The following CHCHD6 variants were observed in gnomAD, a reference collection of about 807,000 sequenced individuals.
CHCHD6 encodes the protein coiled-coil-helix-coiled-coil-helix domain containing 6, also known as MICOS complex subunit MIC25.
In CHCHD6, 28 loss-of-function variants were observed where a neutral mutation model predicts 32.3. That is an observed-to-expected ratio of 0.87 (90% confidence interval 0.64 to 1.19). The LOEUF is 1.19. Among genes scored for constraint, CHCHD6 ranks in the 50% most tolerant of loss-of-function variants. The pLI, the probability that CHCHD6 is intolerant of heterozygous loss-of-function variation, is 0.00. For missense variants in CHCHD6, 333 were observed against 307.0 expected (o/e 1.08, Z -0.63); for synonymous variants, 122 against 117.5 (o/e 1.04, Z -0.25).
intron 4 of CHCHD6, among the ~76,000 whole-genome samples, chr3:126,848,895 A>G (rs925402889): frequency 6.6e-6 from 1 of 152,152 alleles, no homozygotes; most frequent in African/African-American, 2.4e-5. Flanking sequence ...TTCTTCCCAT[A>G]TTTGAGATTC....
chr3:126,941,487 A>C (rs1265048338), intron 6 of CHCHD6, among the ~76,000 whole-genome samples: 2 of 152,208 alleles, frequency 1.3e-5, no homozygotes, highest in African/African-American at 4.8e-5. Context: ...TTGAGGTTGA[A>C]TTTAGAATCA....
chr3:126,704,405 C>G lies in CHCHD6; in HGVS notation c.87+6C>G. ...GGGTGCTGCAGGGTGTCCGGGTGAG[C>G]GGCGCCGCCTGGGCCGGGGCGGGCG... is the stretch of plus-strand genomic sequence containing the variant. On this transcript the variant is annotated splice_donor_region_variant and intron_variant, in intron 1 of 7. Transcript: ENST00000290913. 2.0e-6 allele frequency: 3 copies of G among 1,518,910 alleles called. No individual in the cohort carries two copies. The highest frequency in any genetic ancestry group is 1.4e-5 in the African/African-American group (1 of 69,600). 94.1% of individuals were successfully genotyped at this position (1,518,910 alleles called of 1,614,324 possible).
At chr3:126,727,327 T>A in intron 2 of CHCHD6, 141 bp downstream of exon 2, 1 of 483,116 alleles carries the variant, frequency 2.1e-6, no homozygotes, top group Non-Finnish European at 3.6e-6. Flanking sequence ...GTAAGGGCTT[T>A]CCGGAAGAGC....
intron 4 of CHCHD6, among the ~76,000 whole-genome samples, chr3:126,847,859 C>T (rs1018755233): frequency 2.0e-5 from 3 of 152,110 alleles, no homozygotes; most frequent in Admixed American, 6.5e-5. Flanking sequence ...TCCTCCTTCC[C>T]CTCTCTTACC....
At chr3:126,883,659 G>T (rs2077641807) in intron 5 of CHCHD6, among the ~76,000 whole-genome samples, 1 of 152,204 alleles carries the variant, frequency 6.6e-6, no homozygotes, top group African/African-American at 2.4e-5. Flanking sequence ...GGCCATCACT[G>T]CTGTCCTCAC....
At chr3:126,836,266 C>T (rs551411765) in intron 4 of CHCHD6, among the ~76,000 whole-genome samples, 2 of 152,248 alleles carry the variant, frequency 1.3e-5, no homozygotes, top group South Asian at 2.1e-4. Context: ...TTATGTCTCT[C>T]GAATATGTCA....
At chr3:126,936,297 A>G (rs1273392369) in intron 6 of CHCHD6, among the ~76,000 whole-genome samples, 1 of 152,158 alleles carries the variant, frequency 6.6e-6, no homozygotes, top group Admixed American at 6.5e-5. Flanking sequence ...GGAGGATAAT[A>G]TGAGATCATG....
chr3:126,801,437 G>A (rs1045674504), intron 4 of CHCHD6, among the ~76,000 whole-genome samples: 21 of 152,082 alleles, frequency 1.4e-4, no homozygotes, highest in East Asian at 5.8e-4. Flanking sequence ...AGGATCCTAC[G>A]CCCACGGAGT....
chr3:126,774,115 G>T (rs1206101504), intron 4 of CHCHD6, among the ~76,000 whole-genome samples: 1 of 152,112 alleles, frequency 6.6e-6, no homozygotes, highest in Non-Finnish European at 1.5e-5. Flanking sequence ...ATATGATTCA[G>T]ATATTTTAAT....
chr3:126,808,295 C>T (rs1221129599), intron 4 of CHCHD6, among the ~76,000 whole-genome samples: 1 of 152,126 alleles, frequency 6.6e-6, no homozygotes, highest in African/African-American at 2.4e-5. Context: ...CTTTTGAAAG[C>T]TAATCTTGGA....
intron 4 of CHCHD6, among the ~76,000 whole-genome samples, chr3:126,764,226 A>ATATATATAT (rs1937274487): frequency 1.7e-5 from 2 of 116,972 alleles, no homozygotes; most frequent in African/African-American, 6.2e-5. Flanking sequence ...TATATATATA[A>ATATATATAT]ATATATGAAA....
At chr3:126,955,158 A>C (rs2078765918) in intron 6 of CHCHD6, among the ~76,000 whole-genome samples, 1 of 152,256 alleles carries the variant, frequency 6.6e-6, no homozygotes, top group African/African-American at 2.4e-5. Flanking sequence ...ACAACTAGAC[A>C]CACCCATGTC....
chr3:126,923,785 C>T (rs553007193), intron 6 of CHCHD6, among the ~76,000 whole-genome samples: 40 of 152,302 alleles, frequency 2.6e-4, no homozygotes, highest in East Asian at 5.8e-4. Flanking sequence ...GTGTCAGGCA[C>T]GTAGTAAGCA....
intron 1 of CHCHD6, among the ~76,000 whole-genome samples, chr3:126,724,218 A>G (rs528565038): frequency 6.6e-6 from 1 of 152,288 alleles, no homozygotes; most frequent in South Asian, 2.1e-4. Context: ...CTTCTCTGAG[A>G]AGCACATGTG....
At chr3:126,763,494 T>A (rs1314297631) in intron 4 of CHCHD6, among the ~76,000 whole-genome samples, 1 of 151,924 alleles carries the variant, frequency 6.6e-6, no homozygotes, top group Non-Finnish European at 1.5e-5. Flanking sequence ...CAACTATTGT[T>A]TTTGTTTGTT....
intron 4 of CHCHD6, among the ~76,000 whole-genome samples, chr3:126,741,229 G>C (rs942730332): frequency 1.3e-5 from 2 of 152,218 alleles, no homozygotes; most frequent in African/African-American, 4.8e-5. Context: ...AAGGTGAGGG[G>C]CAGGCGGTGC....
chr3:126,776,951 G>T (rs866883991), intron 4 of CHCHD6, among the ~76,000 whole-genome samples: 2 of 152,156 alleles, frequency 1.3e-5, no homozygotes, highest in Non-Finnish European at 2.9e-5. Flanking sequence ...TGTAGGTGAA[G>T]ACCTGGCCTC....
At chr3:126,930,165 G>A (rs565436318) in intron 6 of CHCHD6, among the ~76,000 whole-genome samples, 1 of 152,162 alleles carries the variant, frequency 6.6e-6, no homozygotes, top group Non-Finnish European at 1.5e-5. Context: ...GAGGGAATGT[G>A]GTTTGACATG....
At chr3:126,947,937 A>T (rs1419100890) in intron 6 of CHCHD6, among the ~76,000 whole-genome samples, 1 of 152,128 alleles carries the variant, frequency 6.6e-6, no homozygotes, top group Non-Finnish European at 1.5e-5. Context: ...ACAGGGGAGG[A>T]CAGAGATTGG....
Sources: allele counts gnomAD v4.1 joint callset (sites outside exome capture counted in the v4.1 genomes callset), GRCh38; gene constraint gnomAD v4.1.1; transcripts MANE v1.5; gene names NCBI Gene and HGNC (gene_info 2026-07-23, HGNC 2026-07-21).